Variants in FHIP2A observed in about 807,000 individuals in gnomAD.
The protein encoded by FHIP2A is family with sequence similarity 160 member B1.
In FHIP2A, 46 loss-of-function variants were observed where a neutral mutation model predicts 93.5. The observed-to-expected ratio is 0.49, with a 90% CI of 0.39 to 0.63. The LOEUF (loss-of-function observed/expected upper bound fraction) is 0.63, where lower values mean the gene tolerates loss of function less well. Ranked by LOEUF, FHIP2A falls within the 20% of genes least tolerant of loss-of-function variation. The probability of loss-of-function intolerance (pLI) is 0.00; values close to 1 mark genes in which losing one functional copy is unlikely to be tolerated. For missense variants in FHIP2A, 769 were observed against 909.7 expected, an observed-to-expected ratio of 0.85 and a Z score of 1.99; for synonymous variants, 332 against 326.5, an observed-to-expected ratio of 1.02 and a Z score of -0.18.
At chr10:114,839,989 A>T (rs2083659973) in intron 5 of FHIP2A, among the ~76,000 whole-genome samples, 1 of 152,216 alleles carries the variant, frequency 6.6e-6, no homozygotes, top group Non-Finnish European at 1.5e-5. Flanking sequence ...AAAGTAGAGT[A>T]AGGTGAGAAT....
intron 11 of FHIP2A, among the ~76,000 whole-genome samples, 179 bp from the exon 12 acceptor site, chr10:114,846,911 T>C (rs73367369): frequency 0.073 from 11,094 of 152,282 alleles, 818 homozygotes; most frequent in African/African-American, 0.17. Flanking sequence ...TGTGTATTCA[T>C]TAGACCCAAT....
chr10:114,891,178 C>A (rs12764851), intron 16 of FHIP2A, among the ~76,000 whole-genome samples: 69,229 of 149,474 alleles, frequency 0.46, 16,957 homozygotes, highest in African/African-American at 0.61. Context: ...TGGGCAACAA[C>A]GTGAGACCCT....
In FHIP2A at chr10:114,862,860, C is replaced by T; in HGVS notation, c.*1320C>T. The T allele has an allele frequency of 1.0e-6, 1 of 985,426 alleles. No individual in the cohort carries two copies. The highest frequency in any genetic ancestry group is 1.2e-6 in the Non-Finnish European group (1 of 829,926). 61.0% of individuals were successfully genotyped at this position (985,426 alleles called of 1,614,324 possible). The stretch of plus-strand genomic sequence containing the variant: ...TTGGGGGAACAGGCTATCAAAGGTT[C>T]CGGCTTGAAGGGAACTGTCACTACC... On this transcript the variant is annotated 3_prime_UTR_variant, in exon 17 of 17. Coordinates refer to ENST00000369248, the MANE Select transcript of FHIP2A (RefSeq NM_020940.4).
At chr10:114,848,229 T>C (rs1042748075) in intron 12 of FHIP2A, among the ~76,000 whole-genome samples, 23 of 152,140 alleles carry the variant, frequency 1.5e-4, no homozygotes, top group African/African-American at 3.9e-4. Context: ...TGGCTCAAGA[T>C]GCAAAATTAG....
intron 16 of FHIP2A, among the ~76,000 whole-genome samples, chr10:114,875,710 AAGAG>A (rs1298423407): frequency 3.3e-5 from 5 of 149,708 alleles, no homozygotes; most frequent in South Asian, 4.2e-4. Context: ...AAAAGAAAGA[AAGAG>A]AGAGAAAGAA....
chr10:114,832,277 T>C (rs1190706372), intron 2 of FHIP2A, among the ~76,000 whole-genome samples: 1 of 152,168 alleles, frequency 6.6e-6, no homozygotes, highest in Non-Finnish European at 1.5e-5. Context: ...AAAATTCTCC[T>C]GAGAAGCAAC....
intron 16 of FHIP2A, among the ~76,000 whole-genome samples, chr10:114,885,374 A>G (rs1333802923): frequency 6.6e-6 from 1 of 151,416 alleles, no homozygotes; most frequent in Non-Finnish European, 1.5e-5. Context: ...CAGCCTGCAC[A>G]ACAAGAGTGA....
intron 5 of FHIP2A, among the ~76,000 whole-genome samples, chr10:114,840,469 A>C (rs2083662503): frequency 6.6e-6 from 1 of 152,220 alleles, no homozygotes; most frequent in Non-Finnish European, 1.5e-5. Context: ...TTATTATGTG[A>C]TGGTATCTGT....
At chr10:114,875,060 C>T (rs1187753151) in intron 16 of FHIP2A, among the ~76,000 whole-genome samples, 1 of 152,194 alleles carries the variant, frequency 6.6e-6, no homozygotes, top group East Asian at 1.9e-4. Flanking sequence ...GTTTCCGAAG[C>T]TTGCTTGCAT....
intron 13 of FHIP2A, 135 bp downstream of exon 13, chr10:114,848,872 G>C (rs1194403853): frequency 3.2e-6 from 2 of 624,256 alleles, no homozygotes; most frequent in East Asian, 2.8e-5. Flanking sequence ...GCCGGGTGCA[G>C]TGTCTCACAC....
chr10:114,894,514 A>G (rs1052462496), intron 16 of FHIP2A, among the ~76,000 whole-genome samples: 1 of 152,056 alleles, frequency 6.6e-6, no homozygotes, highest in Non-Finnish European at 1.5e-5. Context: ...GGCTGCAGTG[A>G]GCGGTGATTG....
chr10:114,822,469 C>T (rs577903678), intron 1 of FHIP2A, among the ~76,000 whole-genome samples: 139 of 152,300 alleles, frequency 9.1e-4, no homozygotes, highest in Non-Finnish European at 1.7e-3. Flanking sequence ...CGGGGAGCAC[C>T]TGGCGGGGTC....
chr10:114,861,954 A>G lies in FHIP2A; in HGVS notation c.*414A>G, dbSNP rs899789095. On this transcript the variant is annotated 3_prime_UTR_variant, in exon 17 of 17. Coordinates refer to ENST00000369248, the MANE Select transcript of FHIP2A (RefSeq NM_020940.4). ...CTTGTATTCTTTTGGATTAATAAGTAGCAAAAAAAAATCACTAATTTTATA... is the reference window on the plus strand; with the variant it reads ...CTTGTATTCTTTTGGATTAATAAGTGGCAAAAAAAAATCACTAATTTTATA... The G allele has an allele frequency of 1.0e-6, 1 of 985,694 alleles. No homozygotes were observed. The highest frequency in any genetic ancestry group is 1.7e-5 in the African/African-American group (1 of 57,326). The allele number at this position is 985,694 out of a possible 1,614,324, so 61.1% of individuals were successfully genotyped here.
At chr10:114,891,118 C>T (rs1397771392) in intron 16 of FHIP2A, among the ~76,000 whole-genome samples, 2 of 151,382 alleles carry the variant, frequency 1.3e-5, no homozygotes, top group Non-Finnish European at 2.9e-5. Context: ...TGCTTGAGTC[C>T]AGGAGTTCAA....
At chr10:114,865,123 G>T (rs1398791316), downstream of FHIP2A, among the ~76,000 whole-genome samples, 7 of 152,014 alleles carry the variant, frequency 4.6e-5, no homozygotes, top group Admixed American at 3.3e-4. Context: ...GAGTAGCTGG[G>T]ATTACAGGTG....
intron 10 of FHIP2A, 82 bp downstream of exon 10, chr10:114,846,449 A>T: frequency 6.9e-7 from 1 of 1,455,040 alleles, no homozygotes; most frequent in South Asian, 1.3e-5. Flanking sequence ...TATTTTCAAT[A>T]CAACCTCTTT....
intron 16 of FHIP2A, among the ~76,000 whole-genome samples, chr10:114,895,791 A>T (rs1452803427): frequency 6.6e-6 from 1 of 152,204 alleles, no homozygotes; most frequent in Non-Finnish European, 1.5e-5. Flanking sequence ...CGAGCAAAAA[A>T]GATTCTGATT....
rs2143013583 is a variant in FHIP2A at position 114,864,312 on chromosome 10, AC to A, written c.*2773del. On this transcript the variant is annotated 3_prime_UTR_variant, in exon 17 of 17. Transcript: ENST00000369248. ...TCCATCAGTATTGACAGAAGACGTT[AC>A]AGTGAAGTGCTAAAACCACACTATA... is the stretch of plus-strand genomic sequence containing the variant. 1 of 985,406 alleles carries A rather than the reference AC, an allele frequency of 1.0e-6. No individual in the cohort carries two copies. Among genetic ancestry groups the A allele is most frequent in the East Asian group, 1.1e-4 (1 of 8,820 alleles). The allele number at this position is 985,406 out of a possible 1,614,324, so 61.0% of individuals were successfully genotyped here.
At position 114,846,625 on chromosome 10, in the gene FHIP2A, A is replaced by C; in HGVS notation, c.1465A>C (p.Asn489His). The C allele has an allele frequency of 6.2e-7, 1 of 1,612,776 alleles. No homozygotes were observed. The highest frequency in any genetic ancestry group is 1.3e-5 in the African/African-American group (1 of 75,010). The change falls in exon 11 of 17, where the codon AAC (asparagine) becomes CAC (histidine). Residue 489 changes from asparagine (N) to histidine (H), a missense_variant. Asn to His is a moderately conservative substitution (Grantham distance 68, BLOSUM62 1). Transcript: ENST00000369248. ...LQKPNEHILY[N>H]LVLRNLEERN... ...AAAACCCAATGAGCACATTCTTTACAACTTGGTCTTGAGAAATCTTGAAGA... is the reference window on the plus strand; with the variant it reads ...AAAACCCAATGAGCACATTCTTTACCACTTGGTCTTGAGAAATCTTGAAGA...
Sources: allele counts gnomAD v4.1 joint callset (sites outside exome capture counted in the v4.1 genomes callset), GRCh38; gene constraint gnomAD v4.1.1; transcripts MANE v1.5; gene names NCBI Gene and HGNC (gene_info 2026-07-23, HGNC 2026-07-21).